Variants in PIK3CD observed in about 807,000 individuals in gnomAD.
PIK3CD encodes the protein phosphatidylinositol 4,5-bisphosphate 3-kinase catalytic subunit delta isoform.
In PIK3CD, 20 loss-of-function variants were observed where a neutral mutation model predicts 122.9. The observed-to-expected ratio is 0.16, with a 90% CI of 0.11 to 0.24. The LOEUF (loss-of-function observed/expected upper bound fraction) is 0.24. PIK3CD is among the 10% of genes least tolerant of loss of function. PIK3CD has a pLI of 1.00. For missense variants in PIK3CD, 787 were observed against 1,406.3 expected, an observed-to-expected ratio of 0.56 and a Z score of 7.04; for synonymous variants, 596 against 593.4, an observed-to-expected ratio of 1.00 and a Z score of -0.06.
the PIK3CD span, among the ~76,000 whole-genome samples, chr1:9,634,005 C>A: frequency 6.6e-6 from 1 of 151,812 alleles, no homozygotes; most frequent in African/African-American, 2.4e-5. Flanking sequence ...CAGGGCCTTG[C>A]TCTGTTGCCC....
At chr1:9,649,825 C>T (rs1644640055), upstream of PIK3CD, among the ~76,000 whole-genome samples, 1 of 152,184 alleles carries the variant, frequency 6.6e-6, no homozygotes, top group African/African-American at 2.4e-5. Context: ...TCTTGGTCCA[C>T]CAAAGCCTGG....
Position 9,718,942 on chromosome 1 carries a change from G to T in PIK3CD, c.1242+27G>T. On this transcript the variant is annotated intron_variant, in intron 9 of 23. Coordinates refer to ENST00000377346, the MANE Select transcript of PIK3CD (RefSeq NM_005026.5). This position sits in a 1 kb window ranked among gnomAD's most constrained non-coding sequence, Gnocchi z 7.2. Reference sequence around the variant, plus strand: ...TGGGTCCCAGGGCCGGCTGGGAGGGGTGCAGACCCCGGAGAGCCAGTACAG... The same window carrying T: ...TGGGTCCCAGGGCCGGCTGGGAGGGTTGCAGACCCCGGAGAGCCAGTACAG... 1 of 1,601,736 alleles carries T rather than the reference G, an allele frequency of 6.2e-7. No homozygotes were observed. The highest frequency in any genetic ancestry group is 8.5e-7 in the Non-Finnish European group (1 of 1,172,448).
chr1:9,702,341 A>G (rs1646665214), intron 2 of PIK3CD, among the ~76,000 whole-genome samples: 1 of 151,418 alleles, frequency 6.6e-6, no homozygotes, highest in Admixed American at 6.6e-5. Context: ...GAGAACATTG[A>G]GTGGTTTTGG....
At chr1:9,713,565 C>A (rs531929323) in intron 3 of PIK3CD, among the ~76,000 whole-genome samples, 1 of 151,806 alleles carries the variant, frequency 6.6e-6, no homozygotes, top group African/African-American at 2.4e-5. Flanking sequence ...ACATTTTATT[C>A]ATGTTATTAA....
intron 1 of PIK3CD, among the ~76,000 whole-genome samples, chr1:9,661,859 G>A (rs1380806543): frequency 6.6e-6 from 1 of 152,164 alleles, no homozygotes; most frequent in East Asian, 1.9e-4. Flanking sequence ...AGCCGAGCTT[G>A]GTGGTGGGCA....
chr1:9,683,762 G>C (rs1374922340), intron 1 of PIK3CD, among the ~76,000 whole-genome samples: 2 of 152,196 alleles, frequency 1.3e-5, no homozygotes, highest in Non-Finnish European at 2.9e-5. Context: ...AATTCCGACA[G>C]AGCTCAGCAG....
Position 9,719,264 on chromosome 1 carries a change from T to C in PIK3CD, c.1242+349T>C, listed in dbSNP as rs369504279. On this transcript the variant is annotated intron_variant, in intron 9 of 23. Coordinates refer to ENST00000377346, the MANE Select transcript of PIK3CD (RefSeq NM_005026.5). The surrounding 1 kb of genome is among the most constrained non-coding windows in gnomAD (Gnocchi z 5.5). ...CTGGCCGGGAGGCGTAGTGGCTGGG[T>C]GCTGAGTCACGGTCCCAGGATATGG... 4.2e-4 allele frequency among the ~76,000 whole-genome samples: 64 copies of C among 152,218 alleles called. No individual in the cohort carries two copies. The highest frequency in any genetic ancestry group is 1.3e-3 in the African/African-American group (56 of 41,550).
At chr1:9,640,326 T>G in the PIK3CD span, among the ~76,000 whole-genome samples, 1 of 152,064 alleles carries the variant, frequency 6.6e-6, no homozygotes, top group Non-Finnish European at 1.5e-5. Flanking sequence ...ACACCTGTAA[T>G]CCCAGCACTT....
intron 2 of PIK3CD, among the ~76,000 whole-genome samples, chr1:9,698,914 A>G (rs1646519707): frequency 6.6e-6 from 1 of 152,030 alleles, no homozygotes. Flanking sequence ...GAGGCCAGGT[A>G]TGGTGGCTCA....
At chr1:9,677,192 G>C (rs920477655) in intron 1 of PIK3CD, among the ~76,000 whole-genome samples, 1 of 152,176 alleles carries the variant, frequency 6.6e-6, no homozygotes, top group African/African-American at 2.4e-5. Context: ...CAGGAGAATG[G>C]GGCGAACTAC....
At chr1:9,711,387 G>A (rs1350483614) in intron 3 of PIK3CD, among the ~76,000 whole-genome samples, 2 of 152,094 alleles carry the variant, frequency 1.3e-5, no homozygotes, top group Admixed American at 1.3e-4. Flanking sequence ...GAGTCACCGC[G>A]CCCGACCCAA....
rs1646601689 is a variant in PIK3CD, at chr1:9,700,912, A to G, written c.-33+9341A>G. ...CCCCAAGGGTCCCTCTGATTTAAGT[A>G]TGTCTGGATTCCGTTGCTCTCCAGT... On this transcript the variant is annotated intron_variant, in intron 2 of 23. Coordinates refer to ENST00000377346, the MANE Select transcript of PIK3CD (RefSeq NM_005026.5). This position sits in a 1 kb window ranked among gnomAD's most constrained non-coding sequence, Gnocchi z 5.1. Among the ~76,000 whole-genome samples the G allele has an allele frequency of 6.6e-6, 1 of 151,936 alleles. No individual in the cohort carries two copies. Among genetic ancestry groups the G allele is most frequent in the Non-Finnish European group, 1.5e-5 (1 of 68,008 alleles).
rs1454216702 is a variant in PIK3CD at position 9,722,648 on chromosome 1, C to T, written c.2426+42C>T. ...CACATCGTCCCTTGGTGTCTGTGCC[C>T]AGCCTGGGAGTCTGTGCCCCTGGAG... On this transcript the variant is annotated intron_variant, in intron 19 of 23. Transcript: ENST00000377346. The surrounding 1 kb of genome is among the most constrained non-coding windows in gnomAD (Gnocchi z 7.6). 4.6e-6 allele frequency: 7 copies of T among 1,537,778 alleles called. No homozygotes were observed. The highest frequency in any genetic ancestry group is 6.3e-6 in the Non-Finnish European group (7 of 1,111,318).
chr1:9,635,778 T>C, the PIK3CD span, among the ~76,000 whole-genome samples: 1,245 of 152,370 alleles, frequency 8.2e-3, 12 homozygotes, highest in African/African-American at 0.028. Flanking sequence ...TGCTGTCCAC[T>C]GACAGACTTC....
chr1:9,679,572 C>G (rs79291332), intron 1 of PIK3CD, among the ~76,000 whole-genome samples: 135 of 151,706 alleles, frequency 8.9e-4, no homozygotes, highest in African/African-American at 2.9e-3. Flanking sequence ...TAGCCCATGT[C>G]CTGTTTCTCA....
chr1:9,675,273 C>G (rs1020728131), intron 1 of PIK3CD, among the ~76,000 whole-genome samples: 1 of 149,392 alleles, frequency 6.7e-6, no homozygotes, highest in Non-Finnish European at 1.5e-5. Flanking sequence ...GTAGTCCCAG[C>G]TACTCGGGAG....
Position 9,720,053 on chromosome 1 carries a change from T to C in PIK3CD, c.1339+36T>C, listed in dbSNP as rs747571438. On this transcript the variant is annotated intron_variant, in intron 10 of 23. Coordinates refer to ENST00000377346, the MANE Select transcript of PIK3CD (RefSeq NM_005026.5). The surrounding 1 kb of genome is among the most constrained non-coding windows in gnomAD (Gnocchi z 9.0). ...GCCCAGGAGGGAGAGGCGTTGGGAG[T>C]GTGAGGGTCCCAGAGATGCTGGTCA... 5 of 1,613,138 alleles carry C rather than the reference T, an allele frequency of 3.1e-6. No homozygotes were observed. The South Asian group carries it at 4.4e-5, about 14-fold the overall frequency.
At position 9,724,319 on chromosome 1, in the gene PIK3CD, C is replaced by A; in HGVS notation, c.2762C>A (p.Thr921Asn). The A allele has an allele frequency of 6.2e-7, 1 of 1,614,212 alleles. No individual in the cohort carries two copies. Among genetic ancestry groups the A allele is most frequent in the Non-Finnish European group, 8.5e-7 (1 of 1,180,044 alleles). ...GGCCACTTTCTGGGGAATTTCAAGA[C>A]CAAGTTTGGAATCAACCGCGAGCGT... is the stretch of plus-strand genomic sequence containing the variant. ...DFGHFLGNFKTKFGINRERVP... is the reference protein window; with the variant it reads ...DFGHFLGNFKNKFGINRERVP... Residue 921 changes from threonine (T) to asparagine (N), a missense_variant, in exon 22 of 24, where the codon ACC becomes AAC. Thr to Asn is a moderately conservative substitution (Grantham distance 65). Coordinates refer to ENST00000377346, the MANE Select transcript of PIK3CD (RefSeq NM_005026.5). The surrounding 1 kb of genome is among the most constrained non-coding windows in gnomAD (Gnocchi z 7.3).
Position 9,719,430 on chromosome 1 carries a change from G to A in PIK3CD, c.1243-491G>A, listed in dbSNP as rs1648119700. 6.6e-6 allele frequency among the ~76,000 whole-genome samples: 1 copy of A among 152,202 alleles called. No homozygotes were observed. The highest frequency in any genetic ancestry group is 2.1e-4 in the South Asian group (1 of 4,830). ...AATCCCAGCACTTTGGGAGGCCAAG[G>A]TGGTCGGCTTACAAGGTCAGGAGTT... On this transcript the variant is annotated intron_variant, in intron 9 of 23. Transcript: ENST00000377346. This position sits in a 1 kb window ranked among gnomAD's most constrained non-coding sequence, Gnocchi z 5.5.
Sources: gnomAD v4.1 joint callset for allele counts (sites outside exome capture counted in the v4.1 genomes callset) on GRCh38, gnomAD v4.1.1 for gene constraint, Gnocchi (gnomAD v3.1) non-coding constraint, MANE v1.5 for transcripts, NCBI Gene and HGNC (gene_info 2026-07-23, HGNC 2026-07-21) for gene names.